Variants in CADPS2 observed in about 807,000 individuals in gnomAD.
CADPS2 encodes the protein calcium-dependent secretion activator 2.
A neutral mutation model predicts 172.5 loss-of-function variants in CADPS2; 93 were observed. The ratio of observed to expected loss-of-function variants is 0.54; its 90% CI spans 0.46 to 0.64. The LOEUF (loss-of-function observed/expected upper bound fraction) is 0.64. Ranked by LOEUF, CADPS2 falls within the 30% of genes least tolerant of loss-of-function variation. The pLI is 0.00. For missense variants in CADPS2, 1,420 were observed against 1,565.9 expected (o/e 0.91, Z 1.57); for synonymous variants, 546 against 555.2 (o/e 0.98, Z 0.23).
chr7:122,698,316 G>A (rs1293578291), intron 2 of CADPS2: 3 of 1,613,922 alleles, frequency 1.9e-6, no homozygotes, highest in Non-Finnish European at 2.5e-6. Flanking sequence ...AATATGCTAA[G>A]GTAGCAGTTG....
chr7:122,454,640 A>G (rs2053541665), intron 14 of CADPS2, among the ~76,000 whole-genome samples: 1 of 152,214 alleles, frequency 6.6e-6, no homozygotes, highest in South Asian at 2.1e-4. Context: ...AGACCGTAAG[A>G]AAGGAAGTCC....
At position 122,658,986 on chromosome 7, in the gene CADPS2, C is replaced by T. The variant is rs188650080; in HGVS notation, c.786+4251G>A. 2.0e-5 allele frequency among the ~76,000 whole-genome samples: 3 copies of T among 152,088 alleles called. No homozygotes were observed. In the South Asian group the frequency reaches 6.2e-4, roughly 32 times the overall value. ...AACATTAAGCACAGCTCAACTCCTA[C>T]TCAGATTAACATAAATATTTATATG... On this transcript the variant is annotated intron_variant, in intron 3 of 29. Transcript: ENST00000449022.
intron 1 of CADPS2, among the ~76,000 whole-genome samples, chr7:122,868,675 TTAAC>T (rs1818921494): frequency 6.6e-6 from 1 of 152,178 alleles, no homozygotes; most frequent in East Asian, 1.9e-4. Context: ...TCAAGGAAAA[TTAAC>T]TAACAGAAAG....
At chr7:122,431,033 T>G (rs914178131) in intron 17 of CADPS2, among the ~76,000 whole-genome samples, 4 of 152,234 alleles carry the variant, frequency 2.6e-5, no homozygotes, top group African/African-American at 9.6e-5. Context: ...CCAGCATTAG[T>G]GCTTCCCCCA....
chr7:122,665,132 G>C (rs935368968), intron 2 of CADPS2, among the ~76,000 whole-genome samples: 4 of 152,020 alleles, frequency 2.6e-5, no homozygotes, highest in African/African-American at 9.7e-5. Flanking sequence ...ACTCATTATA[G>C]TGAAGTACTC....
chr7:122,489,646 C>A (rs1459026045), intron 11 of CADPS2, among the ~76,000 whole-genome samples: 2 of 152,022 alleles, frequency 1.3e-5, no homozygotes, highest in East Asian at 3.9e-4. Context: ...AAAAAATAGA[C>A]CTATTATCCT....
At chr7:122,598,625 A>C (rs568429374) in intron 6 of CADPS2, among the ~76,000 whole-genome samples, 1 of 152,178 alleles carries the variant, frequency 6.6e-6, no homozygotes, top group South Asian at 2.1e-4. Context: ...TAACTTTCTC[A>C]TGTATTAATA....
At chr7:122,699,909 A>T (rs961110207) in intron 2 of CADPS2, among the ~76,000 whole-genome samples, 4 of 152,224 alleles carry the variant, frequency 2.6e-5, no homozygotes, top group African/African-American at 7.2e-5. Flanking sequence ...CAAGGTGCAC[A>T]CTTAAAGTTA....
At chr7:122,550,422 C>T (rs1185185350) in intron 8 of CADPS2, among the ~76,000 whole-genome samples, 1 of 152,116 alleles carries the variant, frequency 6.6e-6, no homozygotes, top group Non-Finnish European at 1.5e-5. Flanking sequence ...TGATAAAAGT[C>T]TTCTATTATA....
chr7:122,442,699 A>C (rs559129586), intron 15 of CADPS2, among the ~76,000 whole-genome samples: 1 of 152,166 alleles, frequency 6.6e-6, no homozygotes, highest in Non-Finnish European at 1.5e-5. Context: ...AGTTTAATTT[A>C]TATTAGGATT....
chr7:122,740,978 T>C (rs1017521532), intron 1 of CADPS2, among the ~76,000 whole-genome samples: 6 of 152,284 alleles, frequency 3.9e-5, no homozygotes, highest in Non-Finnish European at 7.4e-5. Context: ...CAATTCCACT[T>C]TGAGATTGGA....
chr7:122,796,135 C>T (rs1468328822), intron 1 of CADPS2, among the ~76,000 whole-genome samples: 2 of 152,082 alleles, frequency 1.3e-5, no homozygotes, highest in Non-Finnish European at 2.9e-5. Context: ...AACAAAATAC[C>T]TAGGAATACA....
Position 122,437,916 on chromosome 7 carries a change from T to C in CADPS2, c.2476+425A>G, listed in dbSNP as rs533111301. On this transcript the variant is annotated intron_variant, in intron 17 of 29. Coordinates refer to ENST00000449022, the MANE Select transcript of CADPS2 (RefSeq NM_017954.11). ...AAGTTCTATGAGTTTATTTCAGCCCTCAATAATCAACAAGTTTCTTTTTTG... is the reference window on the plus strand; with the variant it reads ...AAGTTCTATGAGTTTATTTCAGCCCCCAATAATCAACAAGTTTCTTTTTTG... Among the ~76,000 whole-genome samples the C allele has an allele frequency of 3.9e-5, 6 of 152,074 alleles. No homozygotes were observed. In the South Asian group the frequency reaches 1.0e-3, roughly 26 times the overall value.
intron 2 of CADPS2, among the ~76,000 whole-genome samples, chr7:122,689,293 C>T (rs2084023593): frequency 6.6e-6 from 1 of 152,112 alleles, no homozygotes; most frequent in South Asian, 2.1e-4. Context: ...AACATTGTGT[C>T]CCTACAAGGG....
At chr7:122,452,086 A>T (rs1356532954) in intron 14 of CADPS2, among the ~76,000 whole-genome samples, 1 of 151,962 alleles carries the variant, frequency 6.6e-6, no homozygotes, top group Non-Finnish European at 1.5e-5. Context: ...AATCAATGTG[A>T]GTTTCATCAG....
intron 1 of CADPS2, among the ~76,000 whole-genome samples, chr7:122,825,890 G>A (rs1424258783): frequency 1.3e-5 from 2 of 152,128 alleles, no homozygotes; most frequent in African/African-American, 4.8e-5. Context: ...AAGGTCAAGT[G>A]GGAGCGTAGA....
chr7:122,640,062 G>A (rs34393979), intron 3 of CADPS2, among the ~76,000 whole-genome samples: 26,745 of 152,022 alleles, frequency 0.18, 3,103 homozygotes, highest in Non-Finnish European at 0.26. Context: ...TCCGTACCCC[G>A]ATCATTCATG....
intron 1 of CADPS2, among the ~76,000 whole-genome samples, chr7:122,746,634 C>T (rs2092727642): frequency 1.3e-5 from 2 of 151,034 alleles, no homozygotes; most frequent in African/African-American, 4.8e-5. Context: ...CACAGACACA[C>T]ACACACAGAC....
At chr7:122,699,062 A>C (rs1025566256) in intron 2 of CADPS2, 1 of 618,496 alleles carries the variant, frequency 1.6e-6, no homozygotes, top group African/African-American at 1.9e-5. Context: ...GAAATTCTTA[A>C]AGATGGCTTA....
Sources: gnomAD v4.1 joint callset for allele counts (sites outside exome capture counted in the v4.1 genomes callset) on GRCh38, gnomAD v4.1.1 for gene constraint, MANE v1.5 for transcripts, NCBI Gene and HGNC (gene_info 2026-07-23, HGNC 2026-07-21) for gene names.